KCNQ1OT1: variants seen among roughly 807,000 people sequenced by gnomAD.
KCNQ1OT1 encodes the protein KCNQ1 opposite strand/antisense transcript 1, also known as KCNQ1 antisense RNA 2 (non-protein coding).
exon 1 of KCNQ1OT1, chr11:2,684,669 G>T (rs1304522269): frequency 1.0e-5 from 4 of 398,562 alleles, no homozygotes; most frequent in Non-Finnish European, 1.8e-5. Context: ...TGTTGGATGT[G>T]CAGGGAGCTA....
At position 2,653,188 on chromosome 11, in the gene KCNQ1OT1, T is replaced by G. The variant is rs1288645406; in HGVS notation, n.46807A>C. 2 of 398,624 alleles carry G rather than the reference T, an allele frequency of 5.0e-6. No individual in the cohort carries two copies. Among genetic ancestry groups the G allele is most frequent in the Non-Finnish European group, 8.8e-6 (2 of 226,122 alleles). The allele number at this position is 398,624 out of a possible 1,614,324, so 24.7% of individuals were successfully genotyped here. On this transcript the variant is annotated non_coding_transcript_exon_variant, in exon 1 of 1. Transcript: ENST00000597346. This position sits in a 1 kb window ranked among gnomAD's most constrained non-coding sequence, Gnocchi z 5.3. Reference sequence around the variant, plus strand: ...AGGAAATCCCTTTCCAAGAGTTCCCTGTGCTGTTGCAGGGCTAGGGCCAGG... The same window carrying G: ...AGGAAATCCCTTTCCAAGAGTTCCCGGTGCTGTTGCAGGGCTAGGGCCAGG...
rs1849922148 is a variant in KCNQ1OT1, at chr11:2,659,963, GCAAATATTCTTTC to G, written n.40019_40031del. On this transcript the variant is annotated non_coding_transcript_exon_variant, in exon 1 of 1. Transcript: ENST00000597346. The surrounding 1 kb of genome is among the most constrained non-coding windows in gnomAD (Gnocchi z 4.3). ...AAGTCCTTGACCTGATAGGTGATAT[GCAAATATTCTTTC>G]CAAGTCTGTGCTTTGTCTTTTCATT... 3 of 398,278 alleles carry G rather than the reference GCAAATATTCTTTC, an allele frequency of 7.5e-6. No individual in the cohort carries two copies. Among genetic ancestry groups the G allele is most frequent in the Non-Finnish European group, 1.3e-5 (3 of 225,978 alleles). The allele number at this position is 398,278 out of a possible 1,614,324, so 24.7% of individuals were successfully genotyped here. A position where few individuals can be genotyped will look rare whatever the true frequency, so the allele number is the denominator to read the frequency against.
chr11:2,637,099 C>T (rs1406444876), exon 1 of KCNQ1OT1: 4 of 152,062 alleles, frequency 2.6e-5, no homozygotes, highest in Non-Finnish European at 5.9e-5. Context: ...TGCTAGAGGC[C>T]TATCAATTTT....
At position 2,625,390 on chromosome 11, in the gene KCNQ1OT1, A is replaced by G. The variant is rs7118939; in HGVS notation, n.74605T>C. On this transcript the variant is annotated non_coding_transcript_exon_variant, in exon 1 of 1. Transcript: ENST00000597346. ...CCCACCTTAACCTCCCACGTAGCTG[A>G]TACTAGAGATGGGTCTCACTATGTT... 360,879 of 398,528 alleles carry G rather than the reference A, an allele frequency of 0.91. 163,627 individuals carry two copies. The highest frequency in any genetic ancestry group is 0.99 in the East Asian group (27,869 of 28,068). The allele number at this position is 398,528 out of a possible 1,614,324, so 24.7% of individuals were successfully genotyped here.
exon 1 of KCNQ1OT1, chr11:2,672,885 G>A: frequency 2.5e-6 from 1 of 398,746 alleles, no homozygotes; most frequent in Admixed American, 4.4e-5. Context: ...TGACTGTCAG[G>A]GGAGCAGTAT....
chr11:2,648,674 C>A, exon 1 of KCNQ1OT1: 1 of 398,424 alleles, frequency 2.5e-6, no homozygotes, highest in Non-Finnish European at 4.4e-6. Flanking sequence ...TTTATTGAGA[C>A]CCGTTTTGTG....
rs1238936453 is a variant in KCNQ1OT1, at chr11:2,647,759, A to G, written n.52236T>C. 2.5e-6 allele frequency: 1 copy of G among 398,128 alleles called. No homozygotes were observed. The highest frequency in any genetic ancestry group is 3.6e-5 in the East Asian group (1 of 28,062). 24.7% of individuals were successfully genotyped at this position (398,128 alleles called of 1,614,324 possible). A position where few individuals can be genotyped will look rare whatever the true frequency, so the allele number is the denominator to read the frequency against. ...GTCCAGGAATTTATCTCTTTCCTCT[A>G]GGTTTTCTAATTGTTGACATATAGT... On this transcript the variant is annotated non_coding_transcript_exon_variant, in exon 1 of 1. Coordinates refer to ENST00000597346, the Ensembl canonical transcript of KCNQ1OT1. This position sits in a 1 kb window ranked among gnomAD's most constrained non-coding sequence, Gnocchi z 4.0.
At chr11:2,684,467 C>T (rs1850450789) in exon 1 of KCNQ1OT1, 1 of 398,680 alleles carries the variant, frequency 2.5e-6, no homozygotes, top group East Asian at 3.6e-5. Flanking sequence ...AAAGACTATG[C>T]TCCAGAACTT....
exon 1 of KCNQ1OT1, chr11:2,610,230 A>G (rs964617034): frequency 2.5e-6 from 1 of 397,760 alleles, no homozygotes; most frequent in Admixed American, 4.4e-5. Context: ...AATTTACTTC[A>G]TATTTATATT....
exon 1 of KCNQ1OT1, chr11:2,656,239 A>G (rs1350437624): frequency 2.5e-6 from 1 of 398,576 alleles, no homozygotes; most frequent in Non-Finnish European, 4.4e-6. Flanking sequence ...TCACTTGACA[A>G]CTGCATTATA....
exon 1 of KCNQ1OT1, chr11:2,610,038 A>T (rs1589980002): frequency 2.5e-6 from 1 of 397,972 alleles, no homozygotes; most frequent in East Asian, 3.6e-5. Context: ...TTAGATTTAT[A>T]TCCACAGTTT....
chr11:2,610,815 C>G, exon 1 of KCNQ1OT1: 1 of 382,646 alleles, frequency 2.6e-6, no homozygotes, highest in East Asian at 3.8e-5. Flanking sequence ...AAAGTCAGCT[C>G]CACATTTGTC....
Position 2,654,111 on chromosome 11 carries a change from C to T in KCNQ1OT1, n.45884G>A, listed in dbSNP as rs566661646. ...CTTACTTCTCGCCTCTGAGTGGAGACACAGGTGGTGGCGGGGCCACTCTGG... is the reference window on the plus strand; with the variant it reads ...CTTACTTCTCGCCTCTGAGTGGAGATACAGGTGGTGGCGGGGCCACTCTGG... On this transcript the variant is annotated non_coding_transcript_exon_variant, in exon 1 of 1. Coordinates refer to ENST00000597346, the Ensembl canonical transcript of KCNQ1OT1. This position sits in a 1 kb window ranked among gnomAD's most constrained non-coding sequence, Gnocchi z 6.4. 38 of 398,620 alleles carry T rather than the reference C, an allele frequency of 9.5e-5. No homozygotes were observed. The East Asian group carries it at 1.4e-3, about 14-fold the overall frequency. The allele number at this position is 398,620 out of a possible 1,614,324, so 24.7% of individuals were successfully genotyped here.
rs1564846494 is a variant in KCNQ1OT1, at chr11:2,654,447, T to G, written n.45548A>C. 4.8e-5 allele frequency: 19 copies of G among 398,432 alleles called. No individual in the cohort carries two copies. 24.7% of individuals were successfully genotyped at this position (398,432 alleles called of 1,614,324 possible). A position where few individuals can be genotyped will look rare whatever the true frequency, so the allele number is the denominator to read the frequency against. Reference sequence around the variant, plus strand: ...GGTGAGGCAGAAGGCAAGGTTCCCGTGCTGAGCGCCAGGCACACATAAGCC... The same window carrying G: ...GGTGAGGCAGAAGGCAAGGTTCCCGGGCTGAGCGCCAGGCACACATAAGCC... On this transcript the variant is annotated non_coding_transcript_exon_variant, in exon 1 of 1. Transcript: ENST00000597346. This position sits in a 1 kb window ranked among gnomAD's most constrained non-coding sequence, Gnocchi z 6.4.
In KCNQ1OT1 at chr11:2,654,978, T is replaced by A. The variant is rs1188446226; in HGVS notation, n.45017A>T. On this transcript the variant is annotated non_coding_transcript_exon_variant, in exon 1 of 1. Transcript: ENST00000597346. This position sits in a 1 kb window ranked among gnomAD's most constrained non-coding sequence, Gnocchi z 6.4. Reference sequence around the variant, plus strand: ...TGTTTCTTGACTTGGAAAAGTATCATGCAAAATAGAAAACACAGACACAAT... The same window carrying A: ...TGTTTCTTGACTTGGAAAAGTATCAAGCAAAATAGAAAACACAGACACAAT... 2.5e-6 allele frequency: 1 copy of A among 398,440 alleles called. No homozygotes were observed. The highest frequency in any genetic ancestry group is 3.6e-5 in the East Asian group (1 of 28,084). The allele number at this position is 398,440 out of a possible 1,614,324, so 24.7% of individuals were successfully genotyped here. A position where few individuals can be genotyped will look rare whatever the true frequency, so the allele number is the denominator to read the frequency against.
rs1372830737 is a variant in KCNQ1OT1 at position 2,659,075 on chromosome 11, G to C, written n.40920C>G. The stretch of plus-strand genomic sequence containing the variant: ...GTTTGTAACACGCTCATCATAGTCT[G>C]CTTTTCATCGTAGGGTCCTCCAACA... On this transcript the variant is annotated non_coding_transcript_exon_variant, in exon 1 of 1. Coordinates refer to ENST00000597346, the Ensembl canonical transcript of KCNQ1OT1. This position sits in a 1 kb window ranked among gnomAD's most constrained non-coding sequence, Gnocchi z 4.3. The C allele has an allele frequency of 2.5e-6, 1 of 398,552 alleles. No individual in the cohort carries two copies. Among genetic ancestry groups the C allele is most frequent in the African/African-American group, 2.1e-5 (1 of 48,744 alleles). 24.7% of individuals were successfully genotyped at this position (398,552 alleles called of 1,614,324 possible).
Position 2,663,614 on chromosome 11 carries a change from G to T in KCNQ1OT1, n.36381C>A. ...GCTCACCTTGGTTCTCTTGGTCACG[G>T]ACCAGCATCCAGACATGCAAAAAGT... On this transcript the variant is annotated non_coding_transcript_exon_variant, in exon 1 of 1. Coordinates refer to ENST00000597346, the Ensembl canonical transcript of KCNQ1OT1. This position sits in a 1 kb window ranked among gnomAD's most constrained non-coding sequence, Gnocchi z 5.2. The T allele has an allele frequency of 2.5e-6, 1 of 398,620 alleles. No homozygotes were observed. The highest frequency in any genetic ancestry group is 1.3e-4 in the South Asian group (1 of 7,790). 24.7% of individuals were successfully genotyped at this position (398,620 alleles called of 1,614,324 possible).
At chr11:2,692,113 AT>A (rs763015067) in exon 1 of KCNQ1OT1, 20 of 398,460 alleles carry the variant, frequency 5.0e-5, no homozygotes, top group Non-Finnish European at 8.4e-5. Context: ...AGCCTCCATC[AT>A]TTTATAGCCC....
chr11:2,610,666 T>C (rs1428638025), exon 1 of KCNQ1OT1: 3 of 397,936 alleles, frequency 7.5e-6, no homozygotes, highest in Non-Finnish European at 1.3e-5. Flanking sequence ...ATGCTTTTAT[T>C]TTGCCTTCTT....
Sources: gnomAD v4.1 joint callset for allele counts on GRCh38, gnomAD v4.1.1 for gene constraint, Gnocchi (gnomAD v3.1) non-coding constraint, MANE v1.5 for transcripts, NCBI Gene and HGNC (gene_info 2026-07-23, HGNC 2026-07-21) for gene names.